CNTNAP2: variants seen among roughly 807,000 people sequenced by gnomAD.
CNTNAP2 encodes the protein contactin associated protein 2, also known as contactin-associated protein-like 2.
A neutral mutation model predicts 155.2 loss-of-function variants in CNTNAP2; 98 were observed. The observed-to-expected ratio is 0.63, with a 90% confidence interval of 0.54 to 0.75. CNTNAP2 has a LOEUF of 0.75. CNTNAP2 is among the 30% of genes least tolerant of loss of function. The probability of loss-of-function intolerance (pLI) is 0.00; values close to 1 mark genes in which losing one functional copy is unlikely to be tolerated. For missense variants in CNTNAP2, 1,727 were observed against 1,688.1 expected, an observed-to-expected ratio of 1.02 and a Z score of -0.40; for synonymous variants, 651 against 631.2, an observed-to-expected ratio of 1.03 and a Z score of -0.47.
chr7:146,298,718 T>C (rs1800554983), intron 1 of CNTNAP2, among the ~76,000 whole-genome samples: 1 of 152,218 alleles, frequency 6.6e-6, no homozygotes, highest in South Asian at 2.1e-4. Flanking sequence ...TGTTCAACAC[T>C]GGAGAAAGTA....
intron 4 of CNTNAP2, among the ~76,000 whole-genome samples, chr7:147,059,107 A>G (rs1332847361): frequency 1.3e-5 from 2 of 152,218 alleles, no homozygotes; most frequent in Non-Finnish European, 2.9e-5. Flanking sequence ...TAGGGTTGTC[A>G]TAAGAATTTG....
intron 15 of CNTNAP2, 36 bp downstream of exon 15, chr7:147,978,025 T>A: frequency 6.2e-7 from 1 of 1,612,912 alleles, no homozygotes; most frequent in Non-Finnish European, 8.5e-7. Flanking sequence ...TGCACTTTCT[T>A]ATCCCATTTA....
intron 4 of CNTNAP2, among the ~76,000 whole-genome samples, chr7:147,106,440 C>G (rs887704090): frequency 1.3e-5 from 2 of 151,940 alleles, no homozygotes; most frequent in African/African-American, 4.8e-5. Flanking sequence ...CAAAATTAAA[C>G]GATTGATTTT....
chr7:147,858,859 CA>C (rs1246331817), intron 13 of CNTNAP2, among the ~76,000 whole-genome samples: 1 of 152,182 alleles, frequency 6.6e-6, no homozygotes, highest in African/African-American at 2.4e-5. Flanking sequence ...GCCCTGCTGG[CA>C]CCTGCATTTT....
intron 1 of CNTNAP2, among the ~76,000 whole-genome samples, chr7:146,512,062 T>G (rs1011824073): frequency 1.3e-5 from 2 of 152,032 alleles, no homozygotes; most frequent in Admixed American, 1.3e-4. Context: ...TCTGATTTGT[T>G]GGAATATAGT....
chr7:148,192,339 T>C (rs1795211524), intron 18 of CNTNAP2, among the ~76,000 whole-genome samples: 1 of 152,218 alleles, frequency 6.6e-6, no homozygotes, highest in East Asian at 1.9e-4. Flanking sequence ...GAATATGCAG[T>C]ATTTGTCTGT....
intron 1 of CNTNAP2, among the ~76,000 whole-genome samples, chr7:146,356,886 C>T (rs1299787528): frequency 6.6e-6 from 1 of 152,136 alleles, no homozygotes. Flanking sequence ...AACCTGGGAG[C>T]CCACTGTAAA....
chr7:147,755,828 C>G (rs1563077926), intron 13 of CNTNAP2, among the ~76,000 whole-genome samples: 1 of 152,116 alleles, frequency 6.6e-6, no homozygotes, highest in South Asian at 2.1e-4. Flanking sequence ...AACAAGGAGC[C>G]TCACGTTTTC....
chr7:147,185,911 T>C (rs967444915), intron 8 of CNTNAP2, among the ~76,000 whole-genome samples: 4 of 152,182 alleles, frequency 2.6e-5, no homozygotes, highest in Admixed American at 6.5e-5. Flanking sequence ...GCACAAACTC[T>C]TTGTTTTTGT....
At chr7:148,412,511 C>T (rs1799865422) in intron 23 of CNTNAP2, among the ~76,000 whole-genome samples, 1 of 152,248 alleles carries the variant, frequency 6.6e-6, no homozygotes, top group Non-Finnish European at 1.5e-5. Flanking sequence ...GTGTCTCTCT[C>T]TGGCATATAA....
chr7:148,415,709 TCCTTAAAATATCAGCACAA>T lies in CNTNAP2; in HGVS notation c.*94_*112del. ...ACCCTGCTTCATACTCTTGAGCACA[TCCTTAAAATATCAGCACAA>T]GTTGGGGGAGGCAGGCAATGGAATA... On this transcript the variant is annotated 3_prime_UTR_variant, in exon 24 of 24. Coordinates refer to ENST00000361727, the MANE Select transcript of CNTNAP2 (RefSeq NM_014141.6). 2.1e-6 allele frequency: 3 copies of T among 1,411,860 alleles called. No individual in the cohort carries two copies. Among genetic ancestry groups the T allele is most frequent in the Non-Finnish European group, 3.0e-6 (3 of 1,008,836 alleles). 87.5% of individuals were successfully genotyped at this position (1,411,860 alleles called of 1,614,324 possible). A position where few individuals can be genotyped will look rare whatever the true frequency, so the allele number is the denominator to read the frequency against.
At chr7:146,199,987 A>G (rs756266533) in intron 1 of CNTNAP2, among the ~76,000 whole-genome samples, 80 of 152,194 alleles carry the variant, frequency 5.3e-4, no homozygotes, top group Admixed American at 2.7e-3. Context: ...ATCCCATTCA[A>G]TGAAGTCCGA....
chr7:147,758,521 T>A (rs1797250821), intron 13 of CNTNAP2, among the ~76,000 whole-genome samples: 1 of 152,134 alleles, frequency 6.6e-6, no homozygotes, highest in Admixed American at 6.5e-5. Context: ...GTAGTAAGGA[T>A]CCTTGACCTT....
At chr7:148,139,336 G>A (rs1805015719) in intron 16 of CNTNAP2, among the ~76,000 whole-genome samples, 1 of 152,086 alleles carries the variant, frequency 6.6e-6, no homozygotes, top group African/African-American at 2.4e-5. Context: ...AAGAAAAATA[G>A]GTCATTTTTT....
intron 1 of CNTNAP2, among the ~76,000 whole-genome samples, chr7:146,207,274 C>T (rs902908127): frequency 6.6e-6 from 1 of 151,830 alleles, no homozygotes; most frequent in African/African-American, 2.4e-5. Flanking sequence ...CATGCGGTAC[C>T]GTGAAAAATA....
intron 15 of CNTNAP2, among the ~76,000 whole-genome samples, chr7:148,039,987 G>T (rs759939607): frequency 1.3e-5 from 2 of 152,116 alleles, no homozygotes; most frequent in Non-Finnish European, 2.9e-5. Context: ...TGTTCCTTGG[G>T]CATAAACAAA....
At chr7:147,178,076 T>A (rs1454473987) in intron 8 of CNTNAP2, among the ~76,000 whole-genome samples, 1 of 152,082 alleles carries the variant, frequency 6.6e-6, no homozygotes, top group Non-Finnish European at 1.5e-5. Context: ...GATATCCATG[T>A]CCTAACTCCA....
intron 3 of CNTNAP2, among the ~76,000 whole-genome samples, chr7:146,923,371 T>A (rs188022124): frequency 9.9e-5 from 15 of 152,278 alleles, no homozygotes; most frequent in African/African-American, 1.4e-4. Context: ...GCACAAGGCA[T>A]CATCTCTGCT....
At chr7:146,546,040 G>A (rs1798024731) in intron 1 of CNTNAP2, among the ~76,000 whole-genome samples, 2 of 151,920 alleles carry the variant, frequency 1.3e-5, no homozygotes, top group Admixed American at 6.6e-5. Flanking sequence ...GGGGCTTGTG[G>A]CATTCAGAGA....
Sources: allele counts gnomAD v4.1 joint callset (sites outside exome capture counted in the v4.1 genomes callset), GRCh38; gene constraint gnomAD v4.1.1; transcripts MANE v1.5; gene names NCBI Gene and HGNC (gene_info 2026-07-23, HGNC 2026-07-21).